PARPBP: variants seen among roughly 807,000 people sequenced by gnomAD.
The protein encoded by PARPBP is PCNA-interacting partner.
In PARPBP, 52 loss-of-function variants were observed where a neutral mutation model predicts 50.0. The observed-to-expected ratio is 1.04, with a 90% CI of 0.83 to 1.31. The LOEUF is 1.31. Among genes scored for constraint, PARPBP ranks in the 50% most tolerant of loss-of-function variants. The pLI is 0.00. For synonymous variants in PARPBP, 244 were observed against 232.1 expected (o/e 1.05, Z -0.47); for missense variants, 697 against 672.0 (o/e 1.04, Z -0.41).
At chr12:102,152,900 C>T (rs1231063605) in intron 3 of PARPBP, among the ~76,000 whole-genome samples, 6 of 134,400 alleles carry the variant, frequency 4.5e-5, no homozygotes, top group Non-Finnish European at 9.4e-5. Context: ...TCATGAAGTA[C>T]TTAGTAATTT....
chr12:102,140,176 A>G (rs1188729161), intron 2 of PARPBP, among the ~76,000 whole-genome samples: 1 of 152,126 alleles, frequency 6.6e-6, no homozygotes, highest in Non-Finnish European at 1.5e-5. Flanking sequence ...TTATTGGTCT[A>G]TTCAGGGATT....
chr12:102,150,291 G>C (rs1419098648), intron 3 of PARPBP: 1 of 454,842 alleles, frequency 2.2e-6, no homozygotes, highest in East Asian at 7.0e-5. Context: ...GGAAAAAGTA[G>C]ACAGGAAAAT....
At chr12:102,181,939 A>G (rs1474055124) in intron 8 of PARPBP, among the ~76,000 whole-genome samples, 2 of 152,108 alleles carry the variant, frequency 1.3e-5, no homozygotes, top group African/African-American at 4.8e-5. Flanking sequence ...AAGTGCTCCC[A>G]CAAACCCTTT....
chr12:102,185,273 A>C (rs912693440), intron 9 of PARPBP, among the ~76,000 whole-genome samples: 3 of 152,244 alleles, frequency 2.0e-5, no homozygotes, highest in Non-Finnish European at 2.9e-5. Flanking sequence ...CTTTTTAAGC[A>C]TCAGTTGAAA....
At chr12:102,158,120 CAAAAAA>C (rs55962862) in intron 4 of PARPBP, among the ~76,000 whole-genome samples, 2 of 47,992 alleles carry the variant, frequency 4.2e-5, no homozygotes, top group South Asian at 7.9e-4. Context: ...GACTCCATCT[CAAAAAA>C]AAAAAAAAAA....
intron 3 of PARPBP, among the ~76,000 whole-genome samples, chr12:102,153,349 A>G (rs186763407): frequency 2.0e-5 from 3 of 152,224 alleles, no homozygotes; most frequent in East Asian, 3.9e-4. Context: ...CCTTGTGCCT[A>G]TTAAACTCTT....
At chr12:102,151,793 T>C (rs1052805167) in intron 3 of PARPBP, 14 of 1,535,018 alleles carry the variant, frequency 9.1e-6, no homozygotes, top group Admixed American at 2.0e-5. Flanking sequence ...GCAGCTGTCA[T>C]GCGGCAAGTG....
In PARPBP at chr12:102,197,192, T is replaced by C; in HGVS notation, c.*901T>C. On this transcript the variant is annotated 3_prime_UTR_variant, in exon 11 of 11. Transcript: ENST00000327680. ...GTGTTCTGTAAAGAGAAGGTTGATT[T>C]GGTTTTTAGCTATCGTATTCGGAGT... The C allele has an allele frequency of 3.8e-6, 6 of 1,587,370 alleles. No individual in the cohort carries two copies. The highest frequency in any genetic ancestry group is 5.2e-6 in the Non-Finnish European group (6 of 1,157,672).
At chr12:102,186,333 A>G (rs1005738271) in intron 9 of PARPBP, among the ~76,000 whole-genome samples, 1 of 151,678 alleles carries the variant, frequency 6.6e-6, no homozygotes, top group Non-Finnish European at 1.5e-5. Context: ...TCTAATCTTT[A>G]TTAATCCTTT....
chr12:102,133,413 T>C (rs953917879), intron 2 of PARPBP, among the ~76,000 whole-genome samples: 1 of 152,192 alleles, frequency 6.6e-6, no homozygotes, highest in Non-Finnish European at 1.5e-5. Flanking sequence ...CATAGTGTTT[T>C]GTCCTTCATT....
intron 2 of PARPBP, among the ~76,000 whole-genome samples, chr12:102,127,052 A>G (rs574662142): frequency 1.1e-4 from 17 of 152,276 alleles, no homozygotes; most frequent in African/African-American, 3.4e-4. Context: ...TTCCTTATTT[A>G]AGTAGTTACA....
intron 2 of PARPBP, among the ~76,000 whole-genome samples, chr12:102,146,849 A>T (rs1885427435): frequency 6.6e-6 from 1 of 152,200 alleles, no homozygotes; most frequent in African/African-American, 2.4e-5. Flanking sequence ...AGAGTCTACA[A>T]TGAACTCAAA....
At chr12:102,179,493 C>CA (rs1889619607) in intron 8 of PARPBP, among the ~76,000 whole-genome samples, 1 of 152,180 alleles carries the variant, frequency 6.6e-6, no homozygotes, top group African/African-American at 2.4e-5. Context: ...CCAGCATGGT[C>CA]AGGGCTGGTG....
At chr12:102,130,568 A>ACC (rs1882688474) in intron 2 of PARPBP, among the ~76,000 whole-genome samples, 2 of 152,292 alleles carry the variant, frequency 1.3e-5, no homozygotes, top group South Asian at 4.1e-4. Flanking sequence ...AGAAGTAGGC[A>ACC]AAAAGCTGGG....
At chr12:102,180,445 A>G (rs968062270) in intron 8 of PARPBP, among the ~76,000 whole-genome samples, 1 of 152,170 alleles carries the variant, frequency 6.6e-6, no homozygotes. Flanking sequence ...TCTTATGCTA[A>G]TAATCCCGGA....
rs535849898 is a variant in PARPBP at position 102,142,563 on chromosome 12, G to A, written c.154-5667G>A. On this transcript the variant is annotated intron_variant, in intron 2 of 10. Coordinates refer to ENST00000327680, the MANE Select transcript of PARPBP (RefSeq NM_017915.5). ...AGCTGCATTCCTTTGGAGGAGAAGAGGCACTCTGCTTTTTAGAATATTTGG... is the reference window on the plus strand; with the variant it reads ...AGCTGCATTCCTTTGGAGGAGAAGAAGCACTCTGCTTTTTAGAATATTTGG... 1.1e-4 allele frequency among the ~76,000 whole-genome samples: 17 copies of A among 152,316 alleles called. No homozygotes were observed. In the East Asian group the frequency reaches 3.1e-3, roughly 28 times the overall value.
chr12:102,164,462 A>AT lies in PARPBP; in HGVS notation c.521dup (p.Phe175LeufsTer13). On this transcript the variant is annotated frameshift_variant, in exon 5 of 11. Transcript: ENST00000327680. LOFTEE classifies it high-confidence loss of function. ...GGTGCAGCTGCTAGCAAGGAAAATTATCTTTTCATATTTAAATCTGCTAGT... is the reference window on the plus strand; with the variant it reads ...GGTGCAGCTGCTAGCAAGGAAAATTATTCTTTTCATATTTAAATCTGCTAGT... The AT allele has an allele frequency of 6.2e-7, 1 of 1,612,842 alleles. No individual in the cohort carries two copies. Among genetic ancestry groups the AT allele is most frequent in the Non-Finnish European group, 8.5e-7 (1 of 1,179,132 alleles).
intron 1 of PARPBP, among the ~76,000 whole-genome samples, chr12:102,121,981 G>T (rs953915198): frequency 1.3e-5 from 2 of 152,122 alleles, no homozygotes; most frequent in Non-Finnish European, 2.9e-5. Context: ...CTATGGGATA[G>T]GGTTTTCATT....
intron 1 of PARPBP, among the ~76,000 whole-genome samples, chr12:102,122,019 A>G (rs1194681766): frequency 6.6e-6 from 1 of 152,178 alleles, no homozygotes; most frequent in Non-Finnish European, 1.5e-5. Context: ...GAGGCAGGGA[A>G]AGGTGATGTA....
Sources: gnomAD v4.1 joint callset for allele counts (sites outside exome capture counted in the v4.1 genomes callset) on GRCh38, gnomAD v4.1.1 for gene constraint, MANE v1.5 for transcripts, NCBI Gene and HGNC (gene_info 2026-07-23, HGNC 2026-07-21) for gene names.